SEL1L: variants seen among roughly 807,000 people sequenced by gnomAD.
SEL1L encodes SEL1L adaptor subunit of SYVN1 ubiquitin ligase.
Under a neutral mutation model 109.8 loss-of-function variants are expected in SEL1L, and 52 were observed. The ratio of observed to expected loss-of-function variants is 0.47; its 90% CI spans 0.38 to 0.60. The LOEUF (loss-of-function observed/expected upper bound fraction) is 0.60, where lower values mean the gene tolerates loss of function less well. Among genes scored for constraint, SEL1L ranks in the 20% least tolerant of loss-of-function variants. The probability of loss-of-function intolerance (pLI) is 0.00; values close to 1 mark genes in which losing one functional copy is unlikely to be tolerated. For synonymous variants in SEL1L, 373 were observed against 339.6 expected, an observed-to-expected ratio of 1.10 and a Z score of -1.08; for missense variants, 749 against 962.2, an observed-to-expected ratio of 0.78 and a Z score of 2.93.
chr14:81,502,889 A>C lies in SEL1L; in HGVS notation c.615-6T>G, dbSNP rs1211794377. 1 of 1,578,546 alleles carries C rather than the reference A, an allele frequency of 6.3e-7. No individual in the cohort carries two copies. The highest frequency in any genetic ancestry group is 8.6e-7 in the Non-Finnish European group (1 of 1,161,448). On this transcript the variant is annotated splice_polypyrimidine_tract_variant and splice_region_variant and intron_variant, in intron 5 of 20. Transcript: ENST00000336735. ...TTTGGAGATACCGATATGCTCTTCA[A>C]ATGTAAACAATTAAAAACCAAATTA... is the stretch of plus-strand genomic sequence containing the variant.
At chr14:81,510,472 A>ATCTCTCTCTCTCTCTCTC (rs374089460) in intron 3 of SEL1L, among the ~76,000 whole-genome samples, 2 of 118,928 alleles carry the variant, frequency 1.7e-5, no homozygotes, top group African/African-American at 3.1e-5. Context: ...TAGAATGCTG[A>ATCTCTCTCTCTCTCTCTC]TCTCTCTCTC....
chr14:81,530,761 A>G (rs79580632), intron 1 of SEL1L, among the ~76,000 whole-genome samples: 3,516 of 152,274 alleles, frequency 0.023, 146 homozygotes, highest in African/African-American at 0.081. Context: ...TATGTTCTGA[A>G]AAGTGTATCA....
In SEL1L at chr14:81,474,026, A is replaced by T. The variant is rs1435783502; in HGVS notation, c.*2946T>A. 1 of 152,096 alleles carries T rather than the reference A, an allele frequency of 6.6e-6. No individual in the cohort carries two copies. The highest frequency in any genetic ancestry group is 2.1e-4 in the South Asian group (1 of 4,836). 9.4% of individuals were successfully genotyped at this position (152,096 alleles called of 1,614,324 possible). ...TACAGAGACAGAATGGCTTAGTGGT[A>T]AGACTCTCACATGTAAGGTAAAAAT... On this transcript the variant is annotated 3_prime_UTR_variant, in exon 21 of 21. Transcript: ENST00000336735.
chr14:81,522,652 ATT>A (rs1284290825), intron 3 of SEL1L, among the ~76,000 whole-genome samples: 1 of 152,198 alleles, frequency 6.6e-6, no homozygotes, highest in African/African-American at 2.4e-5. Flanking sequence ...ATGCATCCCC[ATT>A]GTTAAGTGAC....
chr14:81,527,015 A>C, intron 2 of SEL1L, 51 bp from the exon 3 acceptor site: 1 of 1,297,808 alleles, frequency 7.7e-7, no homozygotes, highest in Non-Finnish European at 1.1e-6. Context: ...ACTTTCCCCA[A>C]CCCTATTTGA....
rs137907171 is a variant in SEL1L at position 81,504,120 on chromosome 14, C to T, written c.614+81G>A. On this transcript the variant is annotated intron_variant, in intron 5 of 20. Transcript: ENST00000336735. ...AAAATCTTCTGCGTCTCTGGCAGTGCACTTTTTAAAGAATGTAGTTGCTAT... is the reference window on the plus strand; with the variant it reads ...AAAATCTTCTGCGTCTCTGGCAGTGTACTTTTTAAAGAATGTAGTTGCTAT... 5.0e-4 allele frequency: 398 copies of T among 792,252 alleles called. 1 individual carries two copies. In the African/African-American group the frequency reaches 6.4e-3, roughly 13 times the overall value. 49.1% of individuals were successfully genotyped at this position (792,252 alleles called of 1,614,324 possible).
At chr14:81,499,758 C>T (rs993514855) in intron 6 of SEL1L, 96 bp from the exon 7 acceptor site, 3 of 881,206 alleles carry the variant, frequency 3.4e-6, no homozygotes, top group African/African-American at 1.7e-5. Flanking sequence ...TGAAAAAATG[C>T]AAGAGTCTTT....
At chr14:81,524,569 G>T (rs1885041334) in intron 3 of SEL1L, among the ~76,000 whole-genome samples, 1 of 152,118 alleles carries the variant, frequency 6.6e-6, no homozygotes, top group Non-Finnish European at 1.5e-5. Flanking sequence ...CAAATAAAAT[G>T]ACACTTAAAA....
chr14:81,502,037 T>C (rs1010606055), intron 6 of SEL1L, among the ~76,000 whole-genome samples: 1 of 151,312 alleles, frequency 6.6e-6, no homozygotes, highest in African/African-American at 2.4e-5. Context: ...AGTCCTGGAT[T>C]GAATACTGGT....
chr14:81,489,754 G>A (rs1393373813), intron 13 of SEL1L, among the ~76,000 whole-genome samples: 2 of 152,128 alleles, frequency 1.3e-5, no homozygotes, highest in African/African-American at 4.8e-5. Context: ...CTGCTATCAG[G>A]TGACAAAGAT....
chr14:81,482,413 T>C (rs1262600313), intron 19 of SEL1L, among the ~76,000 whole-genome samples: 1 of 152,150 alleles, frequency 6.6e-6, no homozygotes, highest in Non-Finnish European at 1.5e-5. Flanking sequence ...GTGCAGGGGC[T>C]CATACCTGCA....
rs932076108 is a variant in SEL1L at position 81,472,410 on chromosome 14, T to C, written c.*4562A>G. ...GAACATTTTACCTCAGTTACCTCTT[T>C]GAGTTGCCTGCTGGGAAGCTGGGGG... On this transcript the variant is annotated 3_prime_UTR_variant, in exon 21 of 21. Coordinates refer to ENST00000336735, the MANE Select transcript of SEL1L (RefSeq NM_005065.6). 2 of 240,196 alleles carry C rather than the reference T, an allele frequency of 8.3e-6. No homozygotes were observed. The highest frequency in any genetic ancestry group is 8.8e-5 in the South Asian group (2 of 22,660). The allele number at this position is 240,196 out of a possible 1,614,324, so 14.9% of individuals were successfully genotyped here. A position where few individuals can be genotyped will look rare whatever the true frequency, so the allele number is the denominator to read the frequency against.
At chr14:81,487,629 T>C (rs1039738777) in intron 15 of SEL1L, 91 bp from the exon 16 acceptor site, 11 of 1,531,768 alleles carry the variant, frequency 7.2e-6, no homozygotes, top group Non-Finnish European at 9.6e-6. Flanking sequence ...AAAACTCTAA[T>C]GAAAGAATTC....
chr14:81,530,270 G>A (rs567245953), intron 1 of SEL1L, among the ~76,000 whole-genome samples: 6 of 152,276 alleles, frequency 3.9e-5, no homozygotes, highest in African/African-American at 1.4e-4. Flanking sequence ...AGATACTCTC[G>A]ATTCTAAATT....
At chr14:81,494,478 T>C (rs1024533868) in intron 11 of SEL1L, among the ~76,000 whole-genome samples, 1 of 152,222 alleles carries the variant, frequency 6.6e-6, no homozygotes, top group African/African-American at 2.4e-5. Context: ...TTGTAGCTCC[T>C]TGAAGTGCTG....
rs1191750645 is a variant in SEL1L, at chr14:81,533,841, G to C, written c.-97C>G. The C allele has an allele frequency of 6.4e-6, 8 of 1,252,520 alleles. No individual in the cohort carries two copies. In the South Asian group the frequency reaches 8.9e-5, roughly 14 times the overall value. 77.6% of individuals were successfully genotyped at this position (1,252,520 alleles called of 1,614,324 possible). A position where few individuals can be genotyped will look rare whatever the true frequency, so the allele number is the denominator to read the frequency against. On this transcript the variant is annotated 5_prime_UTR_variant, in exon 1 of 21. Coordinates refer to ENST00000336735, the MANE Select transcript of SEL1L (RefSeq NM_005065.6). ...CCGCCGCCTCGCCGCTGCTCTTCCT[G>C]CTCTAGTCTCCTTCCTCCGCCCCTT... is the stretch of plus-strand genomic sequence containing the variant.
chr14:81,522,471 T>C (rs1884952227), intron 3 of SEL1L, among the ~76,000 whole-genome samples: 1 of 152,246 alleles, frequency 6.6e-6, no homozygotes, highest in Admixed American at 6.5e-5. Flanking sequence ...TAATTACCAC[T>C]GTGTTACAGC....
intron 3 of SEL1L, among the ~76,000 whole-genome samples, chr14:81,515,717 T>A (rs1884672919): frequency 6.6e-6 from 1 of 152,182 alleles, no homozygotes. Context: ...GTCACCTGAC[T>A]CACTTGAGGG....
At position 81,475,046 on chromosome 14, in the gene SEL1L, A is replaced by G. The variant is rs1903116544; in HGVS notation, c.*1926T>C. On this transcript the variant is annotated 3_prime_UTR_variant, in exon 21 of 21. Coordinates refer to ENST00000336735, the MANE Select transcript of SEL1L (RefSeq NM_005065.6). ...ATCTTGGGTGGTTTTTCAACTTTTA[A>G]ATAAATTATAACAGTTCCTTCTAAA... 1 of 152,216 alleles carries G rather than the reference A, an allele frequency of 6.6e-6. No individual in the cohort carries two copies. Among genetic ancestry groups the G allele is most frequent in the African/African-American group, 2.4e-5 (1 of 41,452 alleles). 9.4% of individuals were successfully genotyped at this position (152,216 alleles called of 1,614,324 possible).
Sources: gnomAD v4.1 joint callset for allele counts (sites outside exome capture counted in the v4.1 genomes callset) on GRCh38, gnomAD v4.1.1 for gene constraint, MANE v1.5 for transcripts, NCBI Gene and HGNC (gene_info 2026-07-23, HGNC 2026-07-21) for gene names.